Variants in MAST4 observed in about 807,000 individuals in gnomAD.
MAST4 encodes microtubule associated serine/threonine kinase family member 4, also known as microtubule-associated serine/threonine-protein kinase 4.
Under a neutral mutation model 162.7 loss-of-function variants are expected in MAST4, and 89 were observed. The ratio of observed to expected loss-of-function variants is 0.55; its 90% confidence interval spans 0.46 to 0.65. The LOEUF (loss-of-function observed/expected upper bound fraction) is 0.65. Among genes scored for constraint, MAST4 ranks in the 30% least tolerant of loss-of-function variants. The pLI is 0.00. For missense variants in MAST4, 3,153 were observed against 3,374.0 expected, an observed-to-expected ratio of 0.93 and a Z score of 1.62; for synonymous variants, 1,479 against 1,361.1, an observed-to-expected ratio of 1.09 and a Z score of -1.91.
At chr5:66,948,203 C>T (rs1210673491) in intron 4 of MAST4, among the ~76,000 whole-genome samples, 1 of 152,150 alleles carries the variant, frequency 6.6e-6, no homozygotes, top group Non-Finnish European at 1.5e-5. Context: ...GAACCCGTGC[C>T]ACATTCCGAA....
At chr5:66,763,126 A>G (rs150894008) in intron 2 of MAST4, among the ~76,000 whole-genome samples, 2 of 152,298 alleles carry the variant, frequency 1.3e-5, no homozygotes, top group Admixed American at 1.3e-4. Context: ...AGTCCTCACA[A>G]CAGAAGGCGA....
intron 4 of MAST4, among the ~76,000 whole-genome samples, chr5:67,018,866 A>AT (rs1753639079): frequency 6.6e-6 from 1 of 152,184 alleles, no homozygotes; most frequent in Non-Finnish European, 1.5e-5. Context: ...AATGAAACTT[A>AT]TATAACATTT....
chr5:66,803,629 TAAAC>T (rs955909539), intron 3 of MAST4, among the ~76,000 whole-genome samples: 71 of 152,300 alleles, frequency 4.7e-4, no homozygotes, highest in African/African-American at 1.6e-3. Context: ...CCTTTAAAAA[TAAAC>T]ATTTCTAGCT....
intron 3 of MAST4, among the ~76,000 whole-genome samples, chr5:66,809,580 T>A (rs1451896492): frequency 6.6e-6 from 1 of 152,204 alleles, no homozygotes; most frequent in African/African-American, 2.4e-5. Flanking sequence ...TTGACATTTT[T>A]ATAAGAAGTG....
intron 3 of MAST4, among the ~76,000 whole-genome samples, chr5:66,857,375 T>A (rs1333133813): frequency 2.0e-5 from 3 of 152,240 alleles, no homozygotes; most frequent in African/African-American, 7.2e-5. Context: ...CATCCATGTG[T>A]GGATTGCTTG....
intron 1 of MAST4, among the ~76,000 whole-genome samples, chr5:66,708,651 C>A (rs1278156538): frequency 6.6e-6 from 1 of 152,156 alleles, no homozygotes; most frequent in Non-Finnish European, 1.5e-5. Flanking sequence ...ACCAAGCATT[C>A]ATTTTCCCCT....
intron 5 of MAST4, among the ~76,000 whole-genome samples, chr5:67,085,875 CA>C (rs1763176860): frequency 6.6e-6 from 1 of 152,152 alleles, no homozygotes; most frequent in African/African-American, 2.4e-5. Flanking sequence ...TCAAAGTTCT[CA>C]GGGGGAACGG....
chr5:67,156,840 C>G (rs1388823028), intron 26 of MAST4, among the ~76,000 whole-genome samples: 3 of 152,214 alleles, frequency 2.0e-5, no homozygotes, highest in African/African-American at 7.2e-5. Flanking sequence ...GTGAGTTACC[C>G]AGGGCCAAAC....
At chr5:66,992,019 C>G (rs553291108) in intron 4 of MAST4, among the ~76,000 whole-genome samples, 44 of 152,182 alleles carry the variant, frequency 2.9e-4, no homozygotes, top group Non-Finnish European at 5.1e-4. Flanking sequence ...AAATCACTCT[C>G]AAGTTATATA....
chr5:66,963,818 G>A, intron 4 of MAST4: 1 of 778,508 alleles, frequency 1.3e-6, no homozygotes, highest in Non-Finnish European at 2.4e-6. Flanking sequence ...GCCCAGGGCT[G>A]CTTTGTCTTT....
At chr5:67,006,974 C>T (rs1752112077) in intron 4 of MAST4, among the ~76,000 whole-genome samples, 1 of 152,104 alleles carries the variant, frequency 6.6e-6, no homozygotes, top group Non-Finnish European at 1.5e-5. Flanking sequence ...CTGTTTGTTG[C>T]TGGAGATTTT....
At chr5:66,839,851 A>G (rs1437118582) in intron 3 of MAST4, among the ~76,000 whole-genome samples, 1 of 152,134 alleles carries the variant, frequency 6.6e-6, no homozygotes, top group Admixed American at 6.6e-5. Context: ...TGGGTGTTCA[A>G]CTAAGAAAAA....
chr5:66,812,279 C>T (rs904507041), intron 3 of MAST4, among the ~76,000 whole-genome samples: 14 of 152,108 alleles, frequency 9.2e-5, no homozygotes, highest in South Asian at 2.1e-4. Flanking sequence ...TTATTTTTAT[C>T]GATTTAGGGA....
chr5:66,870,708 T>C, intron 3 of MAST4: 1 of 461,110 alleles, frequency 2.2e-6, no homozygotes, highest in Non-Finnish European at 4.5e-6. Flanking sequence ...TGACCATTTC[T>C]CCATCATCCC....
At chr5:66,916,952 C>T in intron 4 of MAST4, 1 of 717,798 alleles carries the variant, frequency 1.4e-6, no homozygotes, top group Non-Finnish European at 2.6e-6. Flanking sequence ...TTACCTATAT[C>T]CTTACGTACT....
rs1406401685 is a variant in MAST4 at position 66,928,892 on chromosome 5, T to C, written c.674+28910T>C. On this transcript the variant is annotated intron_variant, in intron 4 of 28. Coordinates refer to ENST00000403625, the MANE Select transcript of MAST4 (RefSeq NM_001164664.2). ...TTGGTGAATGATGATTCCCCTGAAGTGAAGGACTTCATGCTCTTGCCCAGA... is the reference window on the plus strand; with the variant it reads ...TTGGTGAATGATGATTCCCCTGAAGCGAAGGACTTCATGCTCTTGCCCAGA... Among the ~76,000 whole-genome samples the C allele has an allele frequency of 2.0e-5, 3 of 152,312 alleles. No homozygotes were observed. In the East Asian group the frequency reaches 5.8e-4, roughly 29 times the overall value.
chr5:66,626,124 A>T (rs1744411234), intron 1 of MAST4, among the ~76,000 whole-genome samples: 1 of 136,298 alleles, frequency 7.3e-6, no homozygotes. Flanking sequence ...TGGTTATGGG[A>T]TGATATTAGT....
intron 4 of MAST4, chr5:66,916,954 T>G (rs1316876299): frequency 1.4e-6 from 1 of 717,880 alleles, no homozygotes; most frequent in Non-Finnish European, 2.6e-6. Context: ...ACCTATATCC[T>G]TACGTACTGG....
intron 4 of MAST4, among the ~76,000 whole-genome samples, chr5:66,990,189 A>T (rs1383114486): frequency 6.6e-6 from 1 of 152,238 alleles, no homozygotes; most frequent in Non-Finnish European, 1.5e-5. Context: ...TTTTGTTTGG[A>T]AATTTTAAAT....
Sources: allele counts gnomAD v4.1 joint callset (sites outside exome capture counted in the v4.1 genomes callset), GRCh38; gene constraint gnomAD v4.1.1; transcripts MANE v1.5; gene names NCBI Gene and HGNC (gene_info 2026-07-23, HGNC 2026-07-21).